MAGI2: variants seen among roughly 807,000 people sequenced by gnomAD.
MAGI2 encodes membrane associated guanylate kinase, WW and PDZ domain containing 2.
In MAGI2, 35 loss-of-function variants were observed where a neutral mutation model predicts 133.3. That is an observed-to-expected ratio of 0.26 (90% CI 0.20 to 0.35). The LOEUF (loss-of-function observed/expected upper bound fraction) is 0.35. MAGI2 is among the 10% of genes least tolerant of loss of function. The pLI is 1.00. For missense variants in MAGI2, 1,636 were observed against 1,863.4 expected, an observed-to-expected ratio of 0.88 and a Z score of 2.25; for synonymous variants, 729 against 710.6, an observed-to-expected ratio of 1.03 and a Z score of -0.41.
intron 2 of MAGI2, among the ~76,000 whole-genome samples, chr7:78,840,456 G>A (rs986667635): frequency 6.6e-6 from 1 of 151,982 alleles, no homozygotes; most frequent in Non-Finnish European, 1.5e-5. Flanking sequence ...AGTCTGTGGT[G>A]CGCCTGTGAA....
chr7:78,714,213 T>C (rs1819487965), intron 2 of MAGI2, among the ~76,000 whole-genome samples: 2 of 152,150 alleles, frequency 1.3e-5, no homozygotes, highest in Non-Finnish European at 2.9e-5. Flanking sequence ...AACACATGTG[T>C]AGTCAGATGG....
chr7:78,422,364 T>A (rs1260729460), intron 6 of MAGI2, among the ~76,000 whole-genome samples: 2 of 152,194 alleles, frequency 1.3e-5, no homozygotes, highest in Non-Finnish European at 2.9e-5. Flanking sequence ...AGATCTCAGG[T>A]GAACTGATCT....
intron 6 of MAGI2, among the ~76,000 whole-genome samples, chr7:78,373,611 T>G (rs1032929627): frequency 1.3e-5 from 2 of 152,170 alleles, no homozygotes; most frequent in Non-Finnish European, 2.9e-5. Flanking sequence ...AACTTTTACT[T>G]GAGTTTCAGT....
At chr7:78,165,937 G>A (rs186012033) in intron 15 of MAGI2, among the ~76,000 whole-genome samples, 200 of 152,238 alleles carry the variant, frequency 1.3e-3, no homozygotes, top group African/African-American at 4.5e-3. Flanking sequence ...AGTATCCTTT[G>A]CTGAACTTAA....
intron 2 of MAGI2, among the ~76,000 whole-genome samples, chr7:78,733,732 T>C (rs1392225805): frequency 6.6e-6 from 1 of 152,188 alleles, no homozygotes; most frequent in Admixed American, 6.5e-5. Flanking sequence ...TATTGTGTTA[T>C]AATGTCAAGC....
intron 9 of MAGI2, among the ~76,000 whole-genome samples, chr7:78,257,125 C>T (rs189964267): frequency 1.3e-4 from 20 of 152,020 alleles, no homozygotes; most frequent in East Asian, 7.7e-4. Flanking sequence ...CATGTATATG[C>T]GAGCAAAGGT....
intron 6 of MAGI2, among the ~76,000 whole-genome samples, chr7:78,429,845 A>G (rs1799626125): frequency 6.6e-6 from 1 of 152,174 alleles, no homozygotes; most frequent in South Asian, 2.1e-4. Flanking sequence ...ACCCAAAGAT[A>G]TAGGTATTAT....
intron 3 of MAGI2, among the ~76,000 whole-genome samples, chr7:78,576,457 G>T (rs1052020735): frequency 2.6e-5 from 4 of 152,090 alleles, no homozygotes; most frequent in Non-Finnish European, 4.4e-5. Context: ...CTCCCACAAG[G>T]CATGTCATAG....
intron 1 of MAGI2, among the ~76,000 whole-genome samples, chr7:79,417,461 A>G (rs560592009): frequency 1.3e-5 from 2 of 152,242 alleles, no homozygotes; most frequent in Non-Finnish European, 2.9e-5. Context: ...ATCAGAATTT[A>G]TCAGTCAGAG....
intron 21 of MAGI2, among the ~76,000 whole-genome samples, chr7:78,056,957 T>C (rs1812639242): frequency 1.3e-5 from 2 of 151,916 alleles, no homozygotes; most frequent in Non-Finnish European, 2.9e-5. Context: ...ATTATAAATA[T>C]TGTGAATAAT....
At chr7:78,614,171 C>A (rs559089507) in intron 3 of MAGI2, among the ~76,000 whole-genome samples, 1 of 151,000 alleles carries the variant, frequency 6.6e-6, no homozygotes, top group Admixed American at 6.6e-5. Flanking sequence ...GGGAAATCAA[C>A]CAAGATAGCG....
At chr7:78,088,683 C>T (rs542269232) in intron 20 of MAGI2, among the ~76,000 whole-genome samples, 19 of 151,990 alleles carry the variant, frequency 1.3e-4, no homozygotes, top group Middle Eastern at 3.2e-3. Flanking sequence ...GGAGCTGTAG[C>T]GGGAAGGAAT....
At chr7:79,423,395 T>C (rs1358750657) in intron 1 of MAGI2, among the ~76,000 whole-genome samples, 1 of 151,822 alleles carries the variant, frequency 6.6e-6, no homozygotes, top group East Asian at 1.9e-4. Context: ...TTTCATTTAA[T>C]ATTAATTGTG....
chr7:78,526,533 T>C (rs1044187332), intron 3 of MAGI2, among the ~76,000 whole-genome samples: 5 of 152,256 alleles, frequency 3.3e-5, no homozygotes, highest in African/African-American at 4.8e-5. Flanking sequence ...AATTCTGTGA[T>C]ATTTGGAAAA....
At chr7:79,266,646 T>G (rs558888367) in intron 1 of MAGI2, among the ~76,000 whole-genome samples, 2 of 152,152 alleles carry the variant, frequency 1.3e-5, no homozygotes, top group Admixed American at 1.3e-4. Flanking sequence ...GCCAGCTACA[T>G]GACATGGCAA....
intron 2 of MAGI2, among the ~76,000 whole-genome samples, chr7:78,714,245 G>A (rs1819491706): frequency 6.6e-6 from 1 of 152,128 alleles, no homozygotes; most frequent in Non-Finnish European, 1.5e-5. Flanking sequence ...TAGGGGGCAA[G>A]GTTTCAAAGC....
chr7:78,195,564 C>T (rs1302141777), intron 11 of MAGI2, among the ~76,000 whole-genome samples: 1 of 152,192 alleles, frequency 6.6e-6, no homozygotes, highest in Non-Finnish European at 1.5e-5. Flanking sequence ...AGTCGCTTTC[C>T]TCTCAGTTTA....
At position 78,620,623 on chromosome 7, in the gene MAGI2, G is replaced by T. The variant is rs538409010; in HGVS notation, c.538+6497C>A. ...GGCTCAAGTCTATGTGTATACTAGGGTCCACGATTATAAGAAATCACATCA... is the reference window on the plus strand; with the variant it reads ...GGCTCAAGTCTATGTGTATACTAGGTTCCACGATTATAAGAAATCACATCA... On this transcript the variant is annotated intron_variant, in intron 3 of 21. Transcript: ENST00000354212. 6.6e-5 allele frequency among the ~76,000 whole-genome samples: 10 copies of T among 152,010 alleles called. 1 individual carries two copies. In the South Asian group the frequency reaches 2.1e-3, roughly 32 times the overall value.
intron 1 of MAGI2, among the ~76,000 whole-genome samples, chr7:79,299,089 T>C (rs1837173216): frequency 6.6e-6 from 1 of 152,142 alleles, no homozygotes; most frequent in Admixed American, 6.5e-5. Context: ...AGAAAAGTAA[T>C]TTCTCTGCTA....
Sources: allele counts gnomAD v4.1 joint callset (sites outside exome capture counted in the v4.1 genomes callset), GRCh38; gene constraint gnomAD v4.1.1; transcripts MANE v1.5; gene names NCBI Gene and HGNC (gene_info 2026-07-23, HGNC 2026-07-21).